FAM83B: variants seen among roughly 807,000 people sequenced by gnomAD.
The protein encoded by FAM83B is scaffolding CK1 anchoring protein B, also known as protein FAM83B.
Under a neutral mutation model 38.8 loss-of-function variants are expected in FAM83B, and 26 were observed. The observed-to-expected ratio is 0.67, with a 90% CI of 0.49 to 0.93. The LOEUF (loss-of-function observed/expected upper bound fraction) is 0.93. Ranked by LOEUF, FAM83B falls within the 40% of genes least tolerant of loss-of-function variation. The pLI is 0.00. For synonymous variants in FAM83B, 419 were observed against 423.1 expected, an observed-to-expected ratio of 0.99 and a Z score of 0.12; for missense variants, 1,237 against 1,197.3, an observed-to-expected ratio of 1.03 and a Z score of -0.49.
intron 2 of FAM83B, among the ~76,000 whole-genome samples, chr6:54,894,457 G>A (rs1772472632): frequency 6.6e-6 from 1 of 152,128 alleles, no homozygotes; most frequent in African/African-American, 2.4e-5. Context: ...ACATATTTGT[G>A]TGATGTCTGC....
chr6:54,915,835 AAAG>A (rs1339258587), intron 2 of FAM83B, among the ~76,000 whole-genome samples: 14 of 90,058 alleles, frequency 1.6e-4, no homozygotes, highest in Non-Finnish European at 2.8e-4. Flanking sequence ...AAAAAAAAAA[AAAG>A]AAACTCACAT....
At chr6:54,900,529 A>T (rs1342084392) in intron 2 of FAM83B, among the ~76,000 whole-genome samples, 1 of 152,234 alleles carries the variant, frequency 6.6e-6, no homozygotes, top group Non-Finnish European at 1.5e-5. Flanking sequence ...CTCATTTTAA[A>T]ATATTCAAAA....
rs377172294 is a variant in FAM83B at position 54,944,052 on chromosome 6, C to T, written c.*2045C>T. The T allele has an allele frequency of 2.0e-5, 3 of 152,034 alleles. No individual in the cohort carries two copies. The highest frequency in any genetic ancestry group is 1.9e-4 in the East Asian group (1 of 5,190). The allele number at this position is 152,034 out of a possible 1,614,324, so 9.4% of individuals were successfully genotyped here. A position where few individuals can be genotyped will look rare whatever the true frequency, so the allele number is the denominator to read the frequency against. Reference sequence around the variant, plus strand: ...TGCACAGCAGATTTATTTTTCTCTGCGTTTTTTAAAAATTGTTTTTCTTGT... The same window carrying T: ...TGCACAGCAGATTTATTTTTCTCTGTGTTTTTTAAAAATTGTTTTTCTTGT... On this transcript the variant is annotated 3_prime_UTR_variant, in exon 5 of 5. Transcript: ENST00000306858.
At position 54,943,232 on chromosome 6, in the gene FAM83B, G is replaced by C. The variant is rs115080416; in HGVS notation, c.*1225G>C. Reference sequence around the variant, plus strand: ...TATGATATGACTGCATAGTGTTTTTGTAAGAATACCATTGGGAAAATGAGA... The same window carrying C: ...TATGATATGACTGCATAGTGTTTTTCTAAGAATACCATTGGGAAAATGAGA... On this transcript the variant is annotated 3_prime_UTR_variant, in exon 5 of 5. Coordinates refer to ENST00000306858, the MANE Select transcript of FAM83B (RefSeq NM_001010872.3). 6.6e-6 allele frequency: 1 copy of C among 151,932 alleles called. No homozygotes were observed. The highest frequency in any genetic ancestry group is 2.4e-5 in the African/African-American group (1 of 41,266). The allele number at this position is 151,932 out of a possible 1,614,324, so 9.4% of individuals were successfully genotyped here.
At position 54,940,786 on chromosome 6, in the gene FAM83B, G is replaced by A. The variant is rs1412886035; in HGVS notation, c.1815G>A (p.Gln605=). ...AATCAATCCCCAAGCTCCCATTGCAGTCAGAGGCACCAAAAATGCACACCT... is the reference window on the plus strand; with the variant it reads ...AATCAATCCCCAAGCTCCCATTGCAATCAGAGGCACCAAAAATGCACACCT... ...LPESIPKLPL[Q]SEAPKMHTLQ... is the part of the protein sequence containing the mutation. Residue 605 remains glutamine (Q), a synonymous_variant, in exon 5 of 5, where the codon CAG becomes CAA. Coordinates refer to ENST00000306858, the MANE Select transcript of FAM83B (RefSeq NM_001010872.3). 1 of 1,614,010 alleles carries A rather than the reference G, an allele frequency of 6.2e-7. No homozygotes were observed. The highest frequency in any genetic ancestry group is 1.1e-5 in the South Asian group (1 of 91,072).
At chr6:54,857,841 G>A (rs1771478032) in intron 1 of FAM83B, among the ~76,000 whole-genome samples, 2 of 152,096 alleles carry the variant, frequency 1.3e-5, no homozygotes, top group Admixed American at 1.3e-4. Context: ...TCTACAATGG[G>A]TAGTCGGGAA....
At position 54,905,786 on chromosome 6, in the gene FAM83B, G is replaced by A. The variant is rs115942407; in HGVS notation, c.445-20585G>A. On this transcript the variant is annotated intron_variant, in intron 2 of 4. Transcript: ENST00000306858. ...ACTAAAATATCAAGGTTTGGCCATA[G>A]GATCATAATCTTTTATGATCACAAT... Among the ~76,000 whole-genome samples, 1,019 of 147,396 alleles carry A rather than the reference G, an allele frequency of 6.9e-3. 13 individuals are homozygous for A. Among genetic ancestry groups the A allele is most frequent in the African/African-American group, 0.024 (982 of 41,328 alleles).
At chr6:54,881,513 T>G (rs1041045716) in intron 2 of FAM83B, among the ~76,000 whole-genome samples, 1 of 152,214 alleles carries the variant, frequency 6.6e-6, no homozygotes, top group African/African-American at 2.4e-5. Context: ...CATTGTCATT[T>G]GGCTAAATAT....
intron 2 of FAM83B, among the ~76,000 whole-genome samples, chr6:54,881,771 T>G (rs1772136528): frequency 6.6e-6 from 1 of 152,164 alleles, no homozygotes; most frequent in East Asian, 1.9e-4. Flanking sequence ...ATTTATTTAT[T>G]TTTATTATTT....
At chr6:54,890,458 A>G (rs1343847525) in intron 2 of FAM83B, among the ~76,000 whole-genome samples, 1 of 152,100 alleles carries the variant, frequency 6.6e-6, no homozygotes, top group Non-Finnish European at 1.5e-5. Flanking sequence ...AAAGTTATAG[A>G]TTTCCCAAAG....
At chr6:54,877,915 G>A (rs1772038463) in intron 2 of FAM83B, among the ~76,000 whole-genome samples, 1 of 151,290 alleles carries the variant, frequency 6.6e-6, no homozygotes, top group Non-Finnish European at 1.5e-5. Flanking sequence ...GTGTAGATGT[G>A]GAAGCATTGA....
intron 3 of FAM83B, among the ~76,000 whole-genome samples, chr6:54,926,856 C>T (rs1419832618): frequency 6.6e-6 from 1 of 152,126 alleles, no homozygotes; most frequent in East Asian, 1.9e-4. Context: ...CTCAGCCTCT[C>T]GAGTAGCTGG....
At chr6:54,867,731 T>C (rs539168369) in intron 1 of FAM83B, among the ~76,000 whole-genome samples, 1 of 152,236 alleles carries the variant, frequency 6.6e-6, no homozygotes, top group Admixed American at 6.5e-5. Flanking sequence ...TTTTTTACAG[T>C]TCCAAAATAT....
At chr6:54,859,794 G>T (rs770212906) in intron 1 of FAM83B, among the ~76,000 whole-genome samples, 1 of 152,092 alleles carries the variant, frequency 6.6e-6, no homozygotes, top group African/African-American at 2.4e-5. Context: ...TTCATGTGTT[G>T]CTCTATAAGA....
intron 1 of FAM83B, among the ~76,000 whole-genome samples, chr6:54,852,728 T>C (rs1771334044): frequency 6.6e-6 from 1 of 152,160 alleles, no homozygotes; most frequent in Non-Finnish European, 1.5e-5. Context: ...AAGGAAAAGT[T>C]GTTGAAGGAA....
chr6:54,883,514 T>C (rs999986423), intron 2 of FAM83B, among the ~76,000 whole-genome samples: 1 of 151,572 alleles, frequency 6.6e-6, no homozygotes, highest in African/African-American at 2.4e-5. Context: ...TTTTGTATTT[T>C]TAGTAGAGAC....
intron 2 of FAM83B, among the ~76,000 whole-genome samples, chr6:54,873,369 T>C (rs890768659): frequency 6.6e-6 from 1 of 152,306 alleles, no homozygotes; most frequent in Non-Finnish European, 1.5e-5. Context: ...AAAATTAAGA[T>C]TATTTAGCTT....
At chr6:54,915,500 C>G (rs1773013537) in intron 2 of FAM83B, among the ~76,000 whole-genome samples, 1 of 152,120 alleles carries the variant, frequency 6.6e-6, no homozygotes, top group Non-Finnish European at 1.5e-5. Flanking sequence ...AACTCCTCTA[C>G]CTACTGGTAG....
Position 54,940,803 on chromosome 6 carries a change from T to C in FAM83B, c.1832T>C (p.Met611Thr), listed in dbSNP as rs781589961. ...KLPLQSEAPK[M>T]HTLQVPENHS... is the part of the protein sequence containing the mutation. ...CCATTGCAGTCAGAGGCACCAAAAATGCACACCTTGCAGGTTCCTGAAAAC... is the reference window on the plus strand; with the variant it reads ...CCATTGCAGTCAGAGGCACCAAAAACGCACACCTTGCAGGTTCCTGAAAAC... Residue 611 changes from methionine (M) to threonine (T), a missense_variant, in exon 5 of 5, where the codon ATG becomes ACG. Physicochemically the swap from Met to Thr is moderately conservative, Grantham distance 81. Transcript: ENST00000306858. The C allele has an allele frequency of 6.2e-7, 1 of 1,613,918 alleles. No homozygotes were observed. The highest frequency in any genetic ancestry group is 2.2e-5 in the East Asian group (1 of 44,854).
Sources: allele counts gnomAD v4.1 joint callset (sites outside exome capture counted in the v4.1 genomes callset), GRCh38; gene constraint gnomAD v4.1.1; transcripts MANE v1.5; gene names NCBI Gene and HGNC (gene_info 2026-07-23, HGNC 2026-07-21).